Variants in PCDHGA9 observed in about 807,000 individuals in gnomAD.
PCDHGA9 encodes the protein protocadherin gamma-A9.
A neutral mutation model predicts 62.5 loss-of-function variants in PCDHGA9; 37 were observed. The ratio of observed to expected loss-of-function variants is 0.59; its 90% confidence interval spans 0.46 to 0.78. The LOEUF (loss-of-function observed/expected upper bound fraction) is 0.78, where lower values mean the gene tolerates loss of function less well. Among genes scored for constraint, PCDHGA9 ranks in the 30% least tolerant of loss-of-function variants. PCDHGA9 has a pLI of 0.00. For synonymous variants in PCDHGA9, 459 were observed against 484.6 expected, an observed-to-expected ratio of 0.95 and a Z score of 0.69; for missense variants, 1,138 against 1,166.2, an observed-to-expected ratio of 0.98 and a Z score of 0.35.
chr5:141,457,701 G>A (rs1341216514), intron 1 of PCDHGA9, among the ~76,000 whole-genome samples: 1 of 152,222 alleles, frequency 6.6e-6, no homozygotes, highest in Admixed American at 6.5e-5. Context: ...TGGCTTTGAT[G>A]AAACACTGTT....
At chr5:141,422,758 A>G in intron 1 of PCDHGA9, 1 of 1,613,150 alleles carries the variant, frequency 6.2e-7, no homozygotes, top group Non-Finnish European at 8.5e-7. Flanking sequence ...TATTAACTCC[A>G]ACACTGGTGT....
chr5:141,431,408 G>A lies in PCDHGA9; in HGVS notation c.2424+26032G>A. ...CCACCTGGTCCTTACGGCCTCCGAC[G>A]GGGGCGACCCGGTGCGCACAGGCAC... On this transcript the variant is annotated intron_variant, in intron 1 of 3. Transcript: ENST00000573521. The surrounding 1 kb of genome is among the most constrained non-coding windows in gnomAD (Gnocchi z 4.8). 6.2e-7 allele frequency: 1 copy of A among 1,613,718 alleles called. No individual in the cohort carries two copies. The highest frequency in any genetic ancestry group is 2.2e-5 in the East Asian group (1 of 44,882).
At chr5:141,406,021 G>A (rs530576205) in intron 1 of PCDHGA9, among the ~76,000 whole-genome samples, 1 of 151,382 alleles carries the variant, frequency 6.6e-6, no homozygotes, top group East Asian at 1.9e-4. Context: ...GGCTTTTTGG[G>A]TAGGGTTGCT....
At chr5:141,503,555 C>T (rs1010409481) in intron 2 of PCDHGA9, among the ~76,000 whole-genome samples, 2 of 148,816 alleles carry the variant, frequency 1.3e-5, no homozygotes, top group African/African-American at 5.0e-5. Context: ...GCCGAGATCG[C>T]GCCACTGTAC....
At chr5:141,483,743 C>G (rs1360515518) in intron 1 of PCDHGA9, among the ~76,000 whole-genome samples, 2 of 152,022 alleles carry the variant, frequency 1.3e-5, no homozygotes, top group Non-Finnish European at 2.9e-5. Context: ...AAAGGATATT[C>G]CTGAGGATCG....
intron 1 of PCDHGA9, chr5:141,412,932 T>A: frequency 2.2e-6 from 1 of 453,328 alleles, no homozygotes; most frequent in Non-Finnish European, 3.9e-6. Flanking sequence ...AGTAACTTCT[T>A]AGGACTCTGA....
At chr5:141,504,511 CTCTGATAT>C (rs2099838890) in intron 2 of PCDHGA9, among the ~76,000 whole-genome samples, 1 of 151,902 alleles carries the variant, frequency 6.6e-6, no homozygotes, top group Non-Finnish European at 1.5e-5. Flanking sequence ...AGTGGATCTC[CTCTGATAT>C]ATTTTATTCG....
chr5:141,414,227 T>C (rs771676386), intron 1 of PCDHGA9: 2 of 1,613,430 alleles, frequency 1.2e-6, no homozygotes, highest in Non-Finnish European at 1.7e-6. Flanking sequence ...AGTCCAGAGC[T>C]GACCATCACG....
intron 2 of PCDHGA9, among the ~76,000 whole-genome samples, chr5:141,499,314 A>C (rs2099791047): frequency 6.6e-6 from 1 of 152,238 alleles, no homozygotes; most frequent in Non-Finnish European, 1.5e-5. Context: ...TCTGAGAGAC[A>C]GTATCCCTGC....
chr5:141,486,090 G>T lies in PCDHGA9; in HGVS notation c.2425-8717G>T, dbSNP rs190955361. 2.5e-6 allele frequency: 4 copies of T among 1,614,086 alleles called. No individual in the cohort carries two copies. In the East Asian group the frequency reaches 8.9e-5, roughly 36 times the overall value. On this transcript the variant is annotated intron_variant, in intron 1 of 3. Transcript: ENST00000573521. This position sits in a 1 kb window ranked among gnomAD's most constrained non-coding sequence, Gnocchi z 5.0. Reference sequence around the variant, plus strand: ...ACTACTGGAAAGCTTACTCTTTTGGGGCCCCTAGACTTTGAGAGTGAGAAT... The same window carrying T: ...ACTACTGGAAAGCTTACTCTTTTGGTGCCCCTAGACTTTGAGAGTGAGAAT...
At chr5:141,466,036 G>A (rs981390655) in intron 1 of PCDHGA9, among the ~76,000 whole-genome samples, 17 of 152,064 alleles carry the variant, frequency 1.1e-4, no homozygotes, top group Non-Finnish European at 2.5e-4. Flanking sequence ...GCAGGAGAAC[G>A]GCATGAACCC....
intron 1 of PCDHGA9, chr5:141,478,354 C>T (rs141625672): frequency 1.2e-6 from 2 of 1,613,778 alleles, no homozygotes; most frequent in Non-Finnish European, 8.5e-7. Context: ...ACGCGGACGC[C>T]GTGCGGGGAG....
intron 2 of PCDHGA9, among the ~76,000 whole-genome samples, chr5:141,500,187 TA>T (rs56304898): frequency 0.051 from 5,679 of 110,700 alleles, 126 homozygotes; most frequent in Middle Eastern, 0.14. Flanking sequence ...TTTTTATTTT[TA>T]TTTATTTATT....
At chr5:141,437,761 C>T (rs1200327020) in intron 1 of PCDHGA9, among the ~76,000 whole-genome samples, 1 of 144,680 alleles carries the variant, frequency 6.9e-6, no homozygotes, top group African/African-American at 2.6e-5. Context: ...TTTTTTGAGA[C>T]AGAGTCTCAA....
Position 141,491,466 on chromosome 5 carries a change from T to G in PCDHGA9, c.2425-3341T>G. The G allele has an allele frequency of 6.2e-7, 1 of 1,614,068 alleles. No individual in the cohort carries two copies. Among genetic ancestry groups the G allele is most frequent in the Non-Finnish European group, 8.5e-7 (1 of 1,179,986 alleles). ...AGGACTCACCCTCCCCGGACTTCTA[T>G]AAGCAGTCCAGCCCCAACCTGCAGG... On this transcript the variant is annotated intron_variant, in intron 1 of 3. Coordinates refer to ENST00000573521, the MANE Select transcript of PCDHGA9 (RefSeq NM_018921.3). This position sits in a 1 kb window ranked among gnomAD's most constrained non-coding sequence, Gnocchi z 6.9.
rs1212381177 is a variant in PCDHGA9 at position 141,438,571 on chromosome 5, TATAC to T, written c.2424+33215_2424+33218del. ...GCCCTAATAAGAGGCAGCTGTCTGATATACATACATACATACATACATATATATA... is the reference window on the plus strand; with the variant it reads ...GCCCTAATAAGAGGCAGCTGTCTGATATACATACATACATACATATATATA... On this transcript the variant is annotated intron_variant, in intron 1 of 3. Transcript: ENST00000573521. 9.4e-4 allele frequency among the ~76,000 whole-genome samples: 89 copies of T among 94,500 alleles called. 1 individual carries two copies. The highest frequency in any genetic ancestry group is 1.8e-3 in the African/African-American group (37 of 20,720). The allele number at this position is 94,500 out of a possible 152,430, so 62.0% of individuals were successfully genotyped here.
chr5:141,444,093 G>A (rs531514787), intron 1 of PCDHGA9, among the ~76,000 whole-genome samples: 1 of 147,730 alleles, frequency 6.8e-6, no homozygotes, highest in East Asian at 2.0e-4. Flanking sequence ...GTCTGCTAAG[G>A]ATTGGAAACC....
chr5:141,508,026 T>A (rs972124070), intron 3 of PCDHGA9: 3 of 152,314 alleles, frequency 2.0e-5, no homozygotes, highest in African/African-American at 7.2e-5. Context: ...GGCTGCGGTT[T>A]GCAGCTCAGC....
intron 1 of PCDHGA9, chr5:141,421,961 A>G: frequency 6.2e-7 from 1 of 1,612,542 alleles, no homozygotes; most frequent in Non-Finnish European, 8.5e-7. Context: ...ATGTTTACAC[A>G]GTCCGTATAT....
Sources: gnomAD v4.1 joint callset for allele counts (sites outside exome capture counted in the v4.1 genomes callset) on GRCh38, gnomAD v4.1.1 for gene constraint, Gnocchi (gnomAD v3.1) non-coding constraint, MANE v1.5 for transcripts, NCBI Gene and HGNC (gene_info 2026-07-23, HGNC 2026-07-21) for gene names.